RFFL: variants seen among roughly 807,000 people sequenced by gnomAD.
RFFL encodes E3 ubiquitin-protein ligase rififylin.
Under a neutral mutation model 40.4 loss-of-function variants are expected in RFFL, and 16 were observed. The ratio of observed to expected loss-of-function variants is 0.40; its 90% CI spans 0.27 to 0.60. The LOEUF is 0.60. Among genes scored for constraint, RFFL ranks in the 20% least tolerant of loss-of-function variants. The pLI is 0.47. For synonymous variants in RFFL, 154 were observed against 167.9 expected (o/e 0.92, Z 0.64); for missense variants, 367 against 451.7 (o/e 0.81, Z 1.70).
chr17:35,027,532 C>G (rs989404302), intron 1 of RFFL, among the ~76,000 whole-genome samples: 4 of 151,984 alleles, frequency 2.6e-5, no homozygotes, highest in African/African-American at 9.7e-5. Context: ...CGAGACCAGC[C>G]TGACCAACAT....
At chr17:35,085,627 C>G (rs1485568281) in intron 1 of RFFL, among the ~76,000 whole-genome samples, 1 of 152,156 alleles carries the variant, frequency 6.6e-6, no homozygotes, top group Admixed American at 6.5e-5. Flanking sequence ...CAGGGTTTCA[C>G]CATATTGGTC....
chr17:35,077,774 T>C (rs1414571515), intron 1 of RFFL, among the ~76,000 whole-genome samples: 2 of 152,226 alleles, frequency 1.3e-5, no homozygotes, highest in Non-Finnish European at 2.9e-5. Flanking sequence ...TCAGCTATCA[T>C]TAGTGTTAGT....
upstream of RFFL, among the ~76,000 whole-genome samples, chr17:35,068,552 C>G (rs540360108): frequency 8.5e-5 from 13 of 152,258 alleles, no homozygotes; most frequent in Non-Finnish European, 1.5e-4. Context: ...CTAACCCAGT[C>G]TGTCCCCACT....
chr17:35,068,564 G>T (rs1426517136), upstream of RFFL, among the ~76,000 whole-genome samples: 1 of 152,206 alleles, frequency 6.6e-6, no homozygotes, highest in Non-Finnish European at 1.5e-5. Context: ...GTCCCCACTG[G>T]TGCAGTTACC....
chr17:35,080,040 T>G (rs751148526), intron 1 of RFFL, among the ~76,000 whole-genome samples: 5 of 152,116 alleles, frequency 3.3e-5, no homozygotes, highest in African/African-American at 1.2e-4. Context: ...TTTCCACCCC[T>G]TGACAAAAAT....
chr17:35,029,322 C>T (rs1034497777), intron 1 of RFFL, among the ~76,000 whole-genome samples: 1 of 151,038 alleles, frequency 6.6e-6, no homozygotes, highest in Non-Finnish European at 1.5e-5. Flanking sequence ...GAGGAATAGC[C>T]CTCTGAAATA....
intron 1 of RFFL, among the ~76,000 whole-genome samples, chr17:35,076,157 C>T (rs757840056): frequency 9.9e-5 from 15 of 151,656 alleles, no homozygotes; most frequent in Non-Finnish European, 1.6e-4. Context: ...CCACACCTGG[C>T]TAATTTTTGT....
At position 35,086,817 on chromosome 17, in the gene RFFL, T is replaced by C. The variant is rs571816333; in HGVS notation, c.-9+2288A>G. Among the ~76,000 whole-genome samples, 201 of 152,300 alleles carry C rather than the reference T, an allele frequency of 1.3e-3. 1 individual carries two copies. Among genetic ancestry groups the C allele is most frequent in the Middle Eastern group, 3.4e-3 (1 of 294 alleles). ...ATAAAAGCCTCTATCATTAAAACCA[T>C]GGCAGTATTAAAGGTTCTATGACAA... On this transcript the variant is annotated intron_variant, in intron 1 of 6. Coordinates refer to the RFFL transcript ENST00000315249.
At chr17:35,028,246 G>T (rs1325537917) in intron 1 of RFFL, among the ~76,000 whole-genome samples, 1 of 151,662 alleles carries the variant, frequency 6.6e-6, no homozygotes, top group Non-Finnish European at 1.5e-5. Flanking sequence ...GAGGTGAGAG[G>T]ATCACTTAAG....
At chr17:35,073,065 A>T (rs1322635808) in intron 1 of RFFL, among the ~76,000 whole-genome samples, 3 of 152,126 alleles carry the variant, frequency 2.0e-5, no homozygotes, top group Non-Finnish European at 2.9e-5. Flanking sequence ...ACATGAAATT[A>T]TTCAGTCAAC....
chr17:35,040,136 C>G (rs1297662941), intron 1 of RFFL, among the ~76,000 whole-genome samples: 1 of 152,176 alleles, frequency 6.6e-6, no homozygotes, highest in African/African-American at 2.4e-5. Flanking sequence ...ATGCTGGACA[C>G]AAGCGACTCT....
intron 1 of RFFL, among the ~76,000 whole-genome samples, chr17:35,035,241 T>C (rs1019106718): frequency 2.0e-5 from 3 of 151,948 alleles, no homozygotes; most frequent in Admixed American, 2.0e-4. Flanking sequence ...AAACCCCGTC[T>C]CTACTAAAAA....
rs553062713 is a variant in RFFL at position 35,010,384 on chromosome 17, C to G, written c.*1584G>C. ...AGCAAACTCTTAAGTCCTCCAGCTCCTCTAGGGGTGTAAAGACTGTGAGGG... is the reference window on the plus strand; with the variant it reads ...AGCAAACTCTTAAGTCCTCCAGCTCGTCTAGGGGTGTAAAGACTGTGAGGG... On this transcript the variant is annotated 3_prime_UTR_variant, in exon 7 of 7. Coordinates refer to ENST00000394597, the MANE Select transcript of RFFL (RefSeq NM_001017368.2). 6.6e-6 allele frequency: 1 copy of G among 152,376 alleles called. No homozygotes were observed. Among genetic ancestry groups the G allele is most frequent in the Non-Finnish European group, 1.5e-5 (1 of 68,072 alleles). The allele number at this position is 152,376 out of a possible 1,614,324, so 9.4% of individuals were successfully genotyped here.
chr17:35,043,744 AGTT>A (rs981764433), intron 1 of RFFL, among the ~76,000 whole-genome samples: 2 of 152,232 alleles, frequency 1.3e-5, no homozygotes, highest in Non-Finnish European at 2.9e-5. Flanking sequence ...GTGCCAAGTT[AGTT>A]GTTATGTTTG....
rs754224314 is a variant in RFFL at position 35,021,611 on chromosome 17, G to A, written c.351C>T (p.Asp117=). 4.5e-5 allele frequency: 73 copies of A among 1,614,126 alleles called. No individual in the cohort carries two copies. Among genetic ancestry groups the A allele is most frequent in the Non-Finnish European group, 5.8e-5 (69 of 1,180,058 alleles). The change falls in exon 3 of 7, where the codon GAC becomes GAT. Residue 117 remains aspartate, a synonymous_variant. Transcript: ENST00000394597. The part of the protein sequence containing the change: ...KDLRDYLSLH[D]ISTEMCREKE... ...TCTCCCGGCACATTTCGGTAGAGAT[G>A]TCATGGAGGCTGAGATAGTCCCTCA... is the stretch of plus-strand genomic sequence containing the variant.
chr17:35,044,570 C>G (rs1315750695), intron 1 of RFFL, among the ~76,000 whole-genome samples: 1 of 152,144 alleles, frequency 6.6e-6, no homozygotes, highest in African/African-American at 2.4e-5. Flanking sequence ...CTCGACACTG[C>G]ACCACTGCAG....
At chr17:35,016,953 C>T (rs930287870) in intron 4 of RFFL, among the ~76,000 whole-genome samples, 2 of 152,078 alleles carry the variant, frequency 1.3e-5, no homozygotes, top group Non-Finnish European at 2.9e-5. Flanking sequence ...CCCGTTTGCC[C>T]CTCCATTAAG....
chr17:35,052,109 T>C (rs1363618970), intron 1 of RFFL, among the ~76,000 whole-genome samples: 5 of 152,212 alleles, frequency 3.3e-5, no homozygotes, highest in Non-Finnish European at 7.3e-5. Context: ...GAGGATTCAA[T>C]ATTAACGGTT....
intron 1 of RFFL, among the ~76,000 whole-genome samples, chr17:35,055,655 G>A (rs1597833627): frequency 2.9e-5 from 4 of 138,414 alleles, no homozygotes; most frequent in Admixed American, 2.2e-4. Context: ...TGGGCCACAA[G>A]AGCAAAACTC....
Sources: allele counts gnomAD v4.1 joint callset (sites outside exome capture counted in the v4.1 genomes callset), GRCh38; gene constraint gnomAD v4.1.1; transcripts MANE v1.5; gene names NCBI Gene and HGNC (gene_info 2026-07-23, HGNC 2026-07-21).